CCDC30: variants seen among roughly 807,000 people sequenced by gnomAD.
CCDC30 encodes the protein coiled-coil domain containing 30.
A neutral mutation model predicts 100.2 loss-of-function variants in CCDC30; 70 were observed. That is an observed-to-expected ratio of 0.70 (90% confidence interval 0.58 to 0.85). The LOEUF (loss-of-function observed/expected upper bound fraction) is 0.85, where lower values mean the gene tolerates loss of function less well. CCDC30 is among the 40% of genes least tolerant of loss of function. The probability of loss-of-function intolerance (pLI) is 0.00; values close to 1 mark genes in which losing one functional copy is unlikely to be tolerated. For synonymous variants in CCDC30, 233 were observed against 269.5 expected, an observed-to-expected ratio of 0.86 and a Z score of 1.33; for missense variants, 652 against 771.2, an observed-to-expected ratio of 0.85 and a Z score of 1.83.
At chr1:42,458,879 A>G (rs1643319631), upstream of CCDC30, among the ~76,000 whole-genome samples, 2 of 152,248 alleles carry the variant, frequency 1.3e-5, no homozygotes, top group Admixed American at 1.3e-4. Flanking sequence ...TAAAAATGGA[A>G]TCTAATAGCC....
chr1:42,456,796 C>T, the CCDC30 span: 2 of 1,613,132 alleles, frequency 1.2e-6, no homozygotes, highest in South Asian at 1.1e-5. Context: ...TAGCCGCCGG[C>T]TACGGGGTCC....
intron 12 of CCDC30, among the ~76,000 whole-genome samples, chr1:42,640,407 T>C (rs1647298391): frequency 1.3e-5 from 2 of 152,214 alleles, no homozygotes; most frequent in Non-Finnish European, 2.9e-5. Context: ...TTAATCCAGT[T>C]AGAGCTGTCT....
chr1:42,484,253 G>A (rs1455072637), intron 3 of CCDC30, among the ~76,000 whole-genome samples: 2 of 152,130 alleles, frequency 1.3e-5, no homozygotes, highest in East Asian at 3.8e-4. Flanking sequence ...GTATACAATT[G>A]TACATATTTG....
intron 11 of CCDC30, among the ~76,000 whole-genome samples, chr1:42,634,229 G>C (rs1647099567): frequency 7.1e-6 from 1 of 140,592 alleles, no homozygotes. Flanking sequence ...GGAGATCAAG[G>C]CTGCACAGCA....
At chr1:42,598,281 C>G (rs1646332926) in intron 10 of CCDC30, among the ~76,000 whole-genome samples, 1 of 152,082 alleles carries the variant, frequency 6.6e-6, no homozygotes, top group Non-Finnish European at 1.5e-5. Context: ...CTTTGGGAGG[C>G]TGAGGCAGGA....
chr1:42,550,163 C>A (rs1217935739), intron 6 of CCDC30, among the ~76,000 whole-genome samples: 1 of 152,190 alleles, frequency 6.6e-6, no homozygotes, highest in Non-Finnish European at 1.5e-5. Context: ...GTTCCACCAA[C>A]ACATCCTGTC....
At chr1:42,629,868 C>A (rs1377772301) in intron 11 of CCDC30, among the ~76,000 whole-genome samples, 1 of 152,052 alleles carries the variant, frequency 6.6e-6, no homozygotes, top group Non-Finnish European at 1.5e-5. Flanking sequence ...TCGGCCTCAG[C>A]CTCCCAAAGT....
At chr1:42,458,320 T>C (rs1393400817), upstream of CCDC30, among the ~76,000 whole-genome samples, 9 of 152,116 alleles carry the variant, frequency 5.9e-5, no homozygotes, top group East Asian at 1.2e-3. Context: ...GGAAGAAATA[T>C]GGATAAGGTA....
At chr1:42,475,684 C>CTGAAATAGTCTGAAA (rs1341835197) in intron 1 of CCDC30, among the ~76,000 whole-genome samples, 2 of 152,128 alleles carry the variant, frequency 1.3e-5, no homozygotes, top group African/African-American at 4.8e-5. Flanking sequence ...AGTATGTATT[C>CTGAAATAGTCTGAAA]TGAAATAGTC....
At chr1:42,530,182 A>C (rs1462240195) in intron 6 of CCDC30, among the ~76,000 whole-genome samples, 2 of 152,184 alleles carry the variant, frequency 1.3e-5, no homozygotes, top group East Asian at 3.9e-4. Flanking sequence ...GTAGTAGTCT[A>C]ATGCCATGTC....
chr1:42,478,486 C>T (rs1370682238), intron 1 of CCDC30, among the ~76,000 whole-genome samples: 1 of 152,122 alleles, frequency 6.6e-6, no homozygotes, highest in East Asian at 1.9e-4. Flanking sequence ...TGGCCGTGCA[C>T]GGTGGCTCAC....
At chr1:42,654,227 ATTG>A, downstream of CCDC30, 1 of 552,210 alleles carries the variant, frequency 1.8e-6, no homozygotes, top group Non-Finnish European at 3.2e-6. Flanking sequence ...GATGCCTTGT[ATTG>A]ACCAAAATAT....
intron 6 of CCDC30, among the ~76,000 whole-genome samples, chr1:42,541,789 A>G (rs1163396829): frequency 6.6e-6 from 1 of 152,246 alleles, no homozygotes; most frequent in Non-Finnish European, 1.5e-5. Flanking sequence ...AGAGTGCTTT[A>G]GACTTAAAGA....
chr1:42,589,253 T>C (rs1646136272), intron 9 of CCDC30, 68 bp from the exon 14 acceptor site: 4 of 1,309,710 alleles, frequency 3.1e-6, no homozygotes, highest in Admixed American at 4.7e-5. Context: ...TGTGATGCCA[T>C]AAAAATTTTA....
chr1:42,523,921 A>G (rs549823427), intron 6 of CCDC30, among the ~76,000 whole-genome samples: 1 of 152,126 alleles, frequency 6.6e-6, no homozygotes, highest in Admixed American at 6.5e-5. Flanking sequence ...TCAGTTCTAG[A>G]CATTCTTTTT....
In CCDC30 at chr1:42,627,227, T is replaced by A. The variant is rs536869308; in HGVS notation, c.1278-10010T>A. 2.0e-5 allele frequency among the ~76,000 whole-genome samples: 3 copies of A among 152,348 alleles called. No homozygotes were observed. The South Asian group carries it at 6.2e-4, about 32-fold the overall frequency. On this transcript the variant is annotated intron_variant, in intron 11 of 16. Coordinates refer to ENST00000668663, the Ensembl canonical transcript of CCDC30. ...TTTGGCAAAGAGACTAGTGCCATTTTGCCCCTGCCCTAGAGATTTGTGGAA... is the reference window on the plus strand; with the variant it reads ...TTTGGCAAAGAGACTAGTGCCATTTAGCCCCTGCCCTAGAGATTTGTGGAA...
At chr1:42,606,882 A>G (rs1646512810) in intron 10 of CCDC30, among the ~76,000 whole-genome samples, 1 of 152,232 alleles carries the variant, frequency 6.6e-6, no homozygotes, top group Non-Finnish European at 1.5e-5. Context: ...GAGGACCGTT[A>G]TAAAAAAAGA....
At chr1:42,560,107 C>G (rs1273798274) in intron 6 of CCDC30, among the ~76,000 whole-genome samples, 2 of 152,054 alleles carry the variant, frequency 1.3e-5, no homozygotes, top group Non-Finnish European at 2.9e-5. Context: ...AACAAAGAGA[C>G]AAGTTACCAG....
At chr1:42,601,331 A>C (rs912767070) in intron 10 of CCDC30, among the ~76,000 whole-genome samples, 2 of 152,192 alleles carry the variant, frequency 1.3e-5, no homozygotes, top group Non-Finnish European at 2.9e-5. Flanking sequence ...TGAAGGGAGA[A>C]AAACCCCTGA....
Sources: allele counts gnomAD v4.1 joint callset (sites outside exome capture counted in the v4.1 genomes callset), GRCh38; gene constraint gnomAD v4.1.1; transcripts MANE v1.5; gene names NCBI Gene and HGNC (gene_info 2026-07-23, HGNC 2026-07-21).